Variants in ANXA3 observed in about 807,000 individuals in gnomAD.
The protein encoded by ANXA3 is annexin A3, also known as 35-alpha calcimedin.
Under a neutral mutation model 48.8 loss-of-function variants are expected in ANXA3, and 46 were observed. The observed-to-expected ratio is 0.94, with a 90% CI of 0.74 to 1.21. ANXA3 has a LOEUF of 1.21. Ranked by LOEUF, ANXA3 falls within the 50% of genes most tolerant of loss-of-function variation. ANXA3 has a pLI of 0.00. For synonymous variants in ANXA3, 128 were observed against 134.7 expected, an observed-to-expected ratio of 0.95 and a Z score of 0.35; for missense variants, 383 against 378.6, an observed-to-expected ratio of 1.01 and a Z score of -0.10.
chr4:78,571,457 A>G (rs1298859734), intron 2 of ANXA3, among the ~76,000 whole-genome samples: 2 of 152,234 alleles, frequency 1.3e-5, no homozygotes, highest in East Asian at 1.9e-4. Flanking sequence ...TCAATTATTC[A>G]GTCTAATCTA....
chr4:78,607,621 A>G (rs746069543), intron 12 of ANXA3, among the ~76,000 whole-genome samples: 4 of 152,204 alleles, frequency 2.6e-5, no homozygotes, highest in Non-Finnish European at 5.9e-5. Flanking sequence ...ATGGGAAAAT[A>G]TAGTAGCCAC....
chr4:78,566,825 TA>T (rs1272271474), intron 2 of ANXA3, among the ~76,000 whole-genome samples: 4 of 152,132 alleles, frequency 2.6e-5, no homozygotes, highest in Non-Finnish European at 5.9e-5. Flanking sequence ...TTAAGAAATT[TA>T]AAAAAGAAAA....
chr4:78,555,374 G>T (rs1301565933), intron 2 of ANXA3, among the ~76,000 whole-genome samples: 1 of 152,130 alleles, frequency 6.6e-6, no homozygotes, highest in Admixed American at 6.5e-5. Context: ...ATTGGTAGAG[G>T]CAGAAGACAG....
At chr4:78,597,246 A>T (rs532484518) in intron 9 of ANXA3, 73 bp from the exon 10 acceptor site, 68 of 970,942 alleles carry the variant, frequency 7.0e-5, no homozygotes, top group Non-Finnish European at 1.1e-4. Flanking sequence ...CTGCATATCA[A>T]ATAAAAAACT....
intron 2 of ANXA3, among the ~76,000 whole-genome samples, chr4:78,564,614 G>A (rs1449286152): frequency 6.6e-6 from 1 of 152,176 alleles, no homozygotes; most frequent in Non-Finnish European, 1.5e-5. Context: ...ACAGCGAGAG[G>A]TATTACTCAA....
Position 78,591,629 on chromosome 4 carries a change from G to C in ANXA3, c.483+6G>C, listed in dbSNP as rs755209246. On this transcript the variant is annotated splice_donor_region_variant and intron_variant, in intron 7 of 12. Coordinates refer to ENST00000264908, the MANE Select transcript of ANXA3 (RefSeq NM_005139.3). ...CTCTGTTGACTTTGGCAGATGTAAG[G>C]TTTTATTTTTTATTTTTTAACTCCC... 2 of 1,610,138 alleles carry C rather than the reference G, an allele frequency of 1.2e-6. No homozygotes were observed. The highest frequency in any genetic ancestry group is 2.2e-5 in the South Asian group (2 of 90,664).
intron 1 of ANXA3, chr4:78,553,899 A>G (rs1722453984): frequency 6.6e-6 from 1 of 152,404 alleles, no homozygotes; most frequent in Admixed American, 6.5e-5. Context: ...TCACCTCTGC[A>G]CCCCACCAAG....
chr4:78,563,747 C>T (rs560929953), intron 2 of ANXA3, among the ~76,000 whole-genome samples: 272 of 152,258 alleles, frequency 1.8e-3, no homozygotes, highest in African/African-American at 6.4e-3. Context: ...TAGCCAAGGG[C>T]CATTTAAGAA....
intron 3 of ANXA3, among the ~76,000 whole-genome samples, chr4:78,574,282 T>A (rs1722903491): frequency 6.6e-6 from 1 of 152,086 alleles, no homozygotes; most frequent in Admixed American, 6.5e-5. Context: ...TAGCTGGGCT[T>A]AGTGGCTTGG....
At chr4:78,573,157 G>C in intron 2 of ANXA3, 23 bp from the exon 3 acceptor site, 1 of 1,538,924 alleles carries the variant, frequency 6.5e-7, no homozygotes, top group Non-Finnish European at 9.0e-7. Context: ...GAACCAATGG[G>C]ACTTTCAAGT....
chr4:78,595,596 A>T (rs1017664788), intron 8 of ANXA3, among the ~76,000 whole-genome samples, 159 bp downstream of exon 8: 1 of 151,474 alleles, frequency 6.6e-6, no homozygotes, highest in African/African-American at 2.4e-5. Context: ...TCGGAACCCT[A>T]ACTTTTTGCC....
intron 5 of ANXA3, among the ~76,000 whole-genome samples, chr4:78,583,528 G>A (rs770647193): frequency 1.3e-5 from 2 of 151,900 alleles, no homozygotes; most frequent in Non-Finnish European, 2.9e-5. Context: ...GGAGGCTGAG[G>A]TGGGAGAATC....
intron 7 of ANXA3, among the ~76,000 whole-genome samples, chr4:78,591,977 G>A (rs1723307231): frequency 6.6e-6 from 1 of 152,020 alleles, no homozygotes; most frequent in East Asian, 1.9e-4. Context: ...ATTTTCTTCT[G>A]GACTCTGAAG....
intron 2 of ANXA3, 143 bp downstream of exon 2, chr4:78,554,631 C>A: frequency 4.7e-6 from 3 of 640,112 alleles, no homozygotes; most frequent in South Asian, 2.1e-5. Context: ...CAGAGGATGT[C>A]AAAAATAATA....
chr4:78,578,276 A>G (rs1414741780), intron 3 of ANXA3, among the ~76,000 whole-genome samples: 2 of 138,972 alleles, frequency 1.4e-5, no homozygotes, highest in Admixed American at 7.6e-5. Flanking sequence ...AGAGAGAGAA[A>G]GGGCGAAGGG....
chr4:78,593,113 CCACACA>C (rs59972919), intron 7 of ANXA3, among the ~76,000 whole-genome samples: 4,201 of 144,012 alleles, frequency 0.029, 185 homozygotes, highest in African/African-American at 0.1. Flanking sequence ...AACACACATA[CCACACA>C]CACACACACA....
chr4:78,576,427 G>T (rs1722955689), intron 3 of ANXA3, among the ~76,000 whole-genome samples: 1 of 152,006 alleles, frequency 6.6e-6, no homozygotes. Context: ...CTCTGGTGTT[G>T]CTAGGACTAC....
chr4:78,582,373 G>T, intron 5 of ANXA3, 83 bp downstream of exon 5: 1 of 893,000 alleles, frequency 1.1e-6, no homozygotes, highest in Non-Finnish European at 1.8e-6. Context: ...GCACACTTGT[G>T]ATGGGTGGAC....
chr4:78,563,838 C>T (rs759423047), intron 2 of ANXA3, among the ~76,000 whole-genome samples: 3 of 152,120 alleles, frequency 2.0e-5, no homozygotes, highest in South Asian at 4.1e-4. Context: ...TCTATATATT[C>T]CTGTTAGATT....
Sources: allele counts gnomAD v4.1 joint callset (sites outside exome capture counted in the v4.1 genomes callset), GRCh38; gene constraint gnomAD v4.1.1; transcripts MANE v1.5; gene names NCBI Gene and HGNC (gene_info 2026-07-23, HGNC 2026-07-21).